Variants in ADH7 observed in about 807,000 individuals in gnomAD.
ADH7 encodes all-trans-retinol dehydrogenase [NAD(+)] ADH7.
In ADH7, 41 loss-of-function variants were observed where a neutral mutation model predicts 34.4. The ratio of observed to expected loss-of-function variants is 1.19; its 90% CI spans 0.93 to 1.55. The LOEUF (loss-of-function observed/expected upper bound fraction) is 1.55. ADH7 is among the 40% of genes most tolerant of loss of function. The probability of loss-of-function intolerance (pLI) is 0.00; values close to 1 mark genes in which losing one functional copy is unlikely to be tolerated. For synonymous variants in ADH7, 180 were observed against 160.9 expected, an observed-to-expected ratio of 1.12 and a Z score of -0.90; for missense variants, 540 against 461.2, an observed-to-expected ratio of 1.17 and a Z score of -1.56.
intron 6 of ADH7, 51 bp from the exon 7 acceptor site, chr4:99,419,172 G>A (rs771718912): frequency 1.0e-5 from 16 of 1,584,464 alleles, no homozygotes; most frequent in Non-Finnish European, 1.4e-5. Context: ...CTTACAGTGT[G>A]ACATAAGCTC....
intron 2 of ADH7, among the ~76,000 whole-genome samples, chr4:99,429,064 T>C (rs903845947): frequency 6.6e-6 from 1 of 152,140 alleles, no homozygotes; most frequent in African/African-American, 2.4e-5. Flanking sequence ...CAAAGAAAGA[T>C]TGGTAGCAAT....
chr4:99,428,653 T>C (rs1309899681), intron 2 of ADH7, 23 bp from the exon 3 acceptor site: 2 of 1,604,868 alleles, frequency 1.2e-6, no homozygotes, highest in Non-Finnish European at 8.5e-7. Context: ...ACAAAAACAT[T>C]GCACCAATCA....
intron 6 of ADH7, among the ~76,000 whole-genome samples, chr4:99,419,386 C>T (rs1721596833): frequency 6.6e-6 from 1 of 152,080 alleles, no homozygotes; most frequent in Non-Finnish European, 1.5e-5. Flanking sequence ...AAGGGAAATT[C>T]TTGTGATATT....
At chr4:99,430,473 T>C (rs1056508053) in intron 1 of ADH7, among the ~76,000 whole-genome samples, 1 of 152,168 alleles carries the variant, frequency 6.6e-6, no homozygotes, top group East Asian at 1.9e-4. Context: ...TACCTCCCAA[T>C]CTGTCTAGGA....
intron 1 of ADH7, among the ~76,000 whole-genome samples, chr4:99,429,942 C>T (rs868347872): frequency 1.3e-5 from 2 of 151,998 alleles, no homozygotes; most frequent in East Asian, 1.9e-4. Context: ...CACATAACAC[C>T]CCCACCCAAA....
At chr4:99,426,551 A>G (rs1261034238) in intron 5 of ADH7, among the ~76,000 whole-genome samples, 2 of 152,226 alleles carry the variant, frequency 1.3e-5, no homozygotes, top group African/African-American at 4.8e-5. Flanking sequence ...CAGGATCTGA[A>G]ATTGTGGCAA....
intron 1 of ADH7, among the ~76,000 whole-genome samples, chr4:99,434,489 TAAAAC>T (rs1722003842): frequency 6.6e-6 from 1 of 152,012 alleles, no homozygotes; most frequent in African/African-American, 2.4e-5. Context: ...TTGTTCAAGT[TAAAAC>T]AAAACAAACA....
At chr4:99,429,658 T>C (rs1396841150) in intron 1 of ADH7, 25 bp from the exon 2 acceptor site, 5 of 1,548,304 alleles carry the variant, frequency 3.2e-6, no homozygotes, top group East Asian at 4.5e-5. Flanking sequence ...AGTATTATAA[T>C]GGGTCTGAAT....
At chr4:99,434,351 A>T (rs543052334) in intron 1 of ADH7, among the ~76,000 whole-genome samples, 114 of 152,292 alleles carry the variant, frequency 7.5e-4, no homozygotes, top group African/African-American at 2.7e-3. Flanking sequence ...GTTTTATTCC[A>T]GTTCTATCCA....
At chr4:99,424,859 C>T (rs1188874116) in intron 5 of ADH7, among the ~76,000 whole-genome samples, 4 of 151,974 alleles carry the variant, frequency 2.6e-5, no homozygotes, top group African/African-American at 7.2e-5. Flanking sequence ...TAATTGAATA[C>T]CCTTTATTTC....
At chr4:99,429,136 A>G (rs1320748108) in intron 2 of ADH7, among the ~76,000 whole-genome samples, 1 of 152,180 alleles carries the variant, frequency 6.6e-6, no homozygotes, top group African/African-American at 2.4e-5. Flanking sequence ...AGGGAGGAAA[A>G]CGTTCCACGA....
chr4:99,426,675 A>G (rs1279315510), intron 5 of ADH7, among the ~76,000 whole-genome samples: 1 of 152,206 alleles, frequency 6.6e-6, no homozygotes, highest in Non-Finnish European at 1.5e-5. Context: ...ATTCCAATCA[A>G]TAGAAAAAGA....
intron 1 of ADH7, among the ~76,000 whole-genome samples, chr4:99,433,555 C>T (rs971956042): frequency 2.6e-5 from 4 of 152,122 alleles, no homozygotes; most frequent in Non-Finnish European, 5.9e-5. Context: ...TCCTAACCCC[C>T]CGTACCTCAG....
chr4:99,412,820 T>A lies in ADH7; in HGVS notation c.*328A>T, dbSNP rs284786. 0.35 allele frequency: 86,911 copies of A among 247,996 alleles called. 17,137 individuals are homozygous for A. The highest frequency in any genetic ancestry group is 0.66 in the East Asian group (7,767 of 11,714). 15.4% of individuals were successfully genotyped at this position (247,996 alleles called of 1,614,324 possible). A position where few individuals can be genotyped will look rare whatever the true frequency, so the allele number is the denominator to read the frequency against. On this transcript the variant is annotated 3_prime_UTR_variant, in exon 9 of 9. Coordinates refer to ENST00000437033, the MANE Select transcript of ADH7 (RefSeq NM_000673.7). ...CTTTATACGCTATATCTGTTTTGAG[T>A]TATATATCTGCAGCAGCTGGTTAAA...
At chr4:99,434,014 A>G (rs1237594406) in intron 1 of ADH7, among the ~76,000 whole-genome samples, 1 of 152,190 alleles carries the variant, frequency 6.6e-6, no homozygotes, top group Non-Finnish European at 1.5e-5. Flanking sequence ...CCTTAGGCAA[A>G]CCACACTATT....
chr4:99,425,010 A>G (rs541930594), intron 5 of ADH7, among the ~76,000 whole-genome samples: 34 of 151,976 alleles, frequency 2.2e-4, no homozygotes, highest in Non-Finnish European at 1.5e-5. Context: ...TTGGCTGTGG[A>G]TTTGTCATAG....
intron 6 of ADH7, among the ~76,000 whole-genome samples, chr4:99,419,924 C>T (rs1579573529): frequency 6.6e-6 from 1 of 152,228 alleles, no homozygotes; most frequent in East Asian, 1.9e-4. Flanking sequence ...TTCCTAGTCT[C>T]TTTACGCTAT....
intron 5 of ADH7, among the ~76,000 whole-genome samples, chr4:99,421,379 T>C (rs1721659212): frequency 6.6e-6 from 1 of 152,162 alleles, no homozygotes; most frequent in Non-Finnish European, 1.5e-5. Flanking sequence ...TCAACAAATC[T>C]GACAAAAACA....
At chr4:99,426,203 T>C (rs1013643051) in intron 5 of ADH7, among the ~76,000 whole-genome samples, 4 of 151,908 alleles carry the variant, frequency 2.6e-5, no homozygotes, top group African/African-American at 9.7e-5. Context: ...AAGAAATAAC[T>C]AAAATCACAG....
Sources: gnomAD v4.1 joint callset for allele counts (sites outside exome capture counted in the v4.1 genomes callset) on GRCh38, gnomAD v4.1.1 for gene constraint, MANE v1.5 for transcripts, NCBI Gene and HGNC (gene_info 2026-07-23, HGNC 2026-07-21) for gene names.